The following XXYLT1 variants were observed in gnomAD, a reference collection of about 807,000 sequenced individuals.
XXYLT1 encodes xyloside xylosyltransferase 1.
A neutral mutation model predicts 28.9 loss-of-function variants in XXYLT1; 20 were observed. The ratio of observed to expected loss-of-function variants is 0.69; its 90% CI spans 0.49 to 1.00. The LOEUF (loss-of-function observed/expected upper bound fraction) is 1.00. Among genes scored for constraint, XXYLT1 ranks in the 50% least tolerant of loss-of-function variants. The pLI is 0.00. For synonymous variants in XXYLT1, 257 were observed against 253.8 expected, an observed-to-expected ratio of 1.01 and a Z score of -0.12; for missense variants, 542 against 560.1, an observed-to-expected ratio of 0.97 and a Z score of 0.33.
intron 3 of XXYLT1, among the ~76,000 whole-genome samples, chr3:195,143,263 C>A (rs1366084872): frequency 6.6e-6 from 1 of 152,174 alleles, no homozygotes. Context: ...CAAAGCCTTG[C>A]GGGGTGCAGC....
chr3:195,151,364 C>G (rs1720237354), intron 3 of XXYLT1, among the ~76,000 whole-genome samples: 1 of 151,758 alleles, frequency 6.6e-6, no homozygotes, highest in African/African-American at 2.4e-5. Context: ...GCCAACATGG[C>G]TACTAATAAC....
chr3:195,071,945 C>T (rs1267208849), intron 3 of XXYLT1, among the ~76,000 whole-genome samples: 5 of 152,140 alleles, frequency 3.3e-5, no homozygotes, highest in Non-Finnish European at 1.5e-5. Context: ...AGCAGGGAGG[C>T]AGGACCTGTG....
rs535104970 is a variant in XXYLT1 at position 195,156,081 on chromosome 3, T to A, written c.785+368A>T. On this transcript the variant is annotated intron_variant, in intron 3 of 3. Coordinates refer to ENST00000310380, the MANE Select transcript of XXYLT1 (RefSeq NM_152531.5). ...CCACTCTGCTAATAGAGAATGGGGGTCACTGGTGACTCACAGGCCAAGAAA... is the reference window on the plus strand; with the variant it reads ...CCACTCTGCTAATAGAGAATGGGGGACACTGGTGACTCACAGGCCAAGAAA... Among the ~76,000 whole-genome samples, 43 of 152,136 alleles carry A rather than the reference T, an allele frequency of 2.8e-4. 2 individuals carry two copies. In the South Asian group the frequency reaches 8.7e-3, roughly 31 times the overall value.
chr3:195,270,911 T>A lies in XXYLT1; in HGVS notation c.148A>T (p.Ser50Cys). ...YLGSGRETFSSATKRLKEARA... is the reference protein window; with the variant it reads ...YLGSGRETFSCATKRLKEARA... ...GCCTCCTTCAGCCTCTTGGTGGCGC[T>A]GGAGAAGGTCTCCCGGCCTGAGCCG... Residue 50 changes from serine (S) to cysteine (C), a missense_variant, in exon 1 of 4, where the codon AGC becomes TGC. Coordinates refer to ENST00000310380, the MANE Select transcript of XXYLT1 (RefSeq NM_152531.5). 1 of 1,479,316 alleles carries A rather than the reference T, an allele frequency of 6.8e-7. No individual in the cohort carries two copies. The highest frequency in any genetic ancestry group is 9.0e-7 in the Non-Finnish European group (1 of 1,116,978). The allele number at this position is 1,479,316 out of a possible 1,614,324, so 91.6% of individuals were successfully genotyped here. A position where few individuals can be genotyped will look rare whatever the true frequency, so the allele number is the denominator to read the frequency against.
At chr3:195,161,529 C>G (rs1560128051) in intron 2 of XXYLT1, among the ~76,000 whole-genome samples, 1 of 151,798 alleles carries the variant, frequency 6.6e-6, no homozygotes. Context: ...TATTGGGATT[C>G]TCTTTCATTG....
intron 3 of XXYLT1, among the ~76,000 whole-genome samples, chr3:195,122,995 A>C (rs1335739837): frequency 6.6e-6 from 1 of 152,210 alleles, no homozygotes; most frequent in Non-Finnish European, 1.5e-5. Context: ...TGACAAAGTC[A>C]CTGTTCTCTG....
chr3:195,233,911 TTTTTG>T (rs1377373935), intron 1 of XXYLT1, among the ~76,000 whole-genome samples: 2 of 152,068 alleles, frequency 1.3e-5, no homozygotes, highest in African/African-American at 4.8e-5. Context: ...CCCTTTAGCA[TTTTTG>T]TTTTGTTTTG....
At chr3:195,205,190 T>C (rs1723018575) in intron 2 of XXYLT1, among the ~76,000 whole-genome samples, 1 of 152,258 alleles carries the variant, frequency 6.6e-6, no homozygotes, top group Admixed American at 6.5e-5. Context: ...CAGGCATTTA[T>C]ATCAGAGAAA....
chr3:195,156,499 G>A lies in XXYLT1; in HGVS notation c.735C>T (p.Phe245=), dbSNP rs1460792215. The A allele has an allele frequency of 6.2e-7, 1 of 1,614,230 alleles. No individual in the cohort carries two copies. The highest frequency in any genetic ancestry group is 8.5e-7 in the Non-Finnish European group (1 of 1,180,046). Residue 245 remains phenylalanine, a synonymous_variant, in exon 3 of 4, where the codon TTC becomes TTT. Coordinates refer to ENST00000310380, the MANE Select transcript of XXYLT1 (RefSeq NM_152531.5). ...IRELFEEFDS[F]LPGAIIGIAR... The stretch of plus-strand genomic sequence containing the variant: ...CTATGCCGATGATGGCGCCTGGCAG[G>A]AAACTGTCAAATTCCTCAAACAACT...
At chr3:195,206,919 A>G (rs1723098226) in intron 2 of XXYLT1, among the ~76,000 whole-genome samples, 1 of 152,118 alleles carries the variant, frequency 6.6e-6, no homozygotes, top group African/African-American at 2.4e-5. Context: ...GCCGGTGATG[A>G]GTACACAGGC....
chr3:195,215,878 A>C (rs1723549992), intron 2 of XXYLT1, among the ~76,000 whole-genome samples: 1 of 152,236 alleles, frequency 6.6e-6, no homozygotes, highest in South Asian at 2.1e-4. Flanking sequence ...CATTTTTTTC[A>C]GCACCACACC....
chr3:195,131,600 A>C (rs1024223191), intron 3 of XXYLT1, among the ~76,000 whole-genome samples: 9 of 152,186 alleles, frequency 5.9e-5, no homozygotes, highest in Non-Finnish European at 1.2e-4. Flanking sequence ...TGTGGTCCCA[A>C]GTCAACAATG....
intron 3 of XXYLT1, chr3:195,152,116 C>T (rs969231375): frequency 6.6e-6 from 1 of 152,418 alleles, no homozygotes; most frequent in Non-Finnish European, 1.5e-5. Context: ...CCACATCAAG[C>T]TTCTTCGCCT....
At chr3:195,087,364 T>C (rs1715790331) in intron 3 of XXYLT1, 1 of 152,312 alleles carries the variant, frequency 6.6e-6, no homozygotes, top group East Asian at 1.9e-4. Flanking sequence ...GCCTTCCAGA[T>C]AAATCTCTTG....
rs1204849669 is a variant in XXYLT1, at chr3:195,076,339, C to T, written c.786-6228G>A. ...AGAAGCCCGCACGGGGTCACGGGGCCGACTGCGGCACAGACATTGGAACTC... is the reference window on the plus strand; with the variant it reads ...AGAAGCCCGCACGGGGTCACGGGGCTGACTGCGGCACAGACATTGGAACTC... On this transcript the variant is annotated intron_variant, in intron 3 of 3. Coordinates refer to ENST00000310380, the MANE Select transcript of XXYLT1 (RefSeq NM_152531.5). This position sits in a 1 kb window ranked among gnomAD's most constrained non-coding sequence, Gnocchi z 5.3. 1.3e-5 allele frequency among the ~76,000 whole-genome samples: 2 copies of T among 152,002 alleles called. No homozygotes were observed. Among genetic ancestry groups the T allele is most frequent in the Admixed American group, 6.5e-5 (1 of 15,276 alleles).
intron 1 of XXYLT1, among the ~76,000 whole-genome samples, chr3:195,236,071 C>T (rs552623947): frequency 6.6e-5 from 10 of 152,236 alleles, no homozygotes; most frequent in South Asian, 2.1e-4. Flanking sequence ...GAGTTTTGCC[C>T]GAGGCCTGCT....
At chr3:195,244,185 C>T (rs1359315732) in intron 1 of XXYLT1, among the ~76,000 whole-genome samples, 1 of 152,146 alleles carries the variant, frequency 6.6e-6, no homozygotes, top group Non-Finnish European at 1.5e-5. Flanking sequence ...CATCCAAAAC[C>T]TTGATATGAC....
chr3:195,182,214 C>T (rs990442690), intron 2 of XXYLT1, among the ~76,000 whole-genome samples: 7 of 152,170 alleles, frequency 4.6e-5, no homozygotes, highest in African/African-American at 9.7e-5. Flanking sequence ...CTACCATATC[C>T]GCCTTCCTAC....
At chr3:195,243,704 G>A (rs1050930376) in intron 1 of XXYLT1, among the ~76,000 whole-genome samples, 1 of 152,178 alleles carries the variant, frequency 6.6e-6, no homozygotes, top group Non-Finnish European at 1.5e-5. Flanking sequence ...ACAAAGGTCT[G>A]CAAGGGTAAG....
Sources: gnomAD v4.1 joint callset for allele counts (sites outside exome capture counted in the v4.1 genomes callset) on GRCh38, gnomAD v4.1.1 for gene constraint, Gnocchi (gnomAD v3.1) non-coding constraint, MANE v1.5 for transcripts, NCBI Gene and HGNC (gene_info 2026-07-23, HGNC 2026-07-21) for gene names.